The following CFAP221 variants were observed in gnomAD, a reference collection of about 807,000 sequenced individuals.
CFAP221 encodes cilia and flagella associated protein 221, also known as cilia- and flagella-associated protein 221.
Under a neutral mutation model 113.1 loss-of-function variants are expected in CFAP221, and 97 were observed. The ratio of observed to expected loss-of-function variants is 0.86; its 90% CI spans 0.73 to 1.02. The LOEUF is 1.02. Ranked by LOEUF, CFAP221 falls within the 50% of genes least tolerant of loss-of-function variation. The pLI is 0.00. For missense variants in CFAP221, 1,025 were observed against 1,013.4 expected, an observed-to-expected ratio of 1.01 and a Z score of -0.16; for synonymous variants, 331 against 354.4, an observed-to-expected ratio of 0.93 and a Z score of 0.74.
rs1464706078 is a variant in CFAP221, at chr2:119,613,721, T to A, written c.1312-1890T>A. 2.0e-5 allele frequency among the ~76,000 whole-genome samples: 3 copies of A among 152,248 alleles called. No individual in the cohort carries two copies. The East Asian group carries it at 5.8e-4, about 29-fold the overall frequency. On this transcript the variant is annotated intron_variant, in intron 13 of 23. Transcript: ENST00000413369. ...AGACCTGTGATGGGAGGGGCTGCCA[T>A]GAAGACCTCTGACATGTCCTGGAGA...
chr2:119,611,439 AAG>A (rs1553486673), intron 12 of CFAP221, among the ~76,000 whole-genome samples: 1 of 151,204 alleles, frequency 6.6e-6, no homozygotes, highest in Non-Finnish European at 1.5e-5. Flanking sequence ...AAAAAAAAAA[AAG>A]GAGGTATCGA....
intron 19 of CFAP221, among the ~76,000 whole-genome samples, chr2:119,636,979 T>C (rs904072826): frequency 3.3e-5 from 5 of 151,826 alleles, no homozygotes; most frequent in African/African-American, 1.2e-4. Context: ...TCAACCAGAG[T>C]AGAAGACACT....
At chr2:119,631,958 T>A (rs1686801677) in intron 19 of CFAP221, among the ~76,000 whole-genome samples, 5 of 152,284 alleles carry the variant, frequency 3.3e-5, no homozygotes, top group Non-Finnish European at 7.4e-5. Context: ...AAATCTTATT[T>A]AAGAGGAGAT....
At chr2:119,585,582 C>T (rs574304469) in intron 6 of CFAP221, among the ~76,000 whole-genome samples, 96 of 152,064 alleles carry the variant, frequency 6.3e-4, no homozygotes, top group African/African-American at 2.1e-3. Context: ...ATAAAGGGGT[C>T]GTTATTTTAT....
chr2:119,551,908 T>A (rs1680459061), intron 3 of CFAP221, among the ~76,000 whole-genome samples: 1 of 152,228 alleles, frequency 6.6e-6, no homozygotes, highest in South Asian at 2.1e-4. Context: ...CTTTTGTCAC[T>A]AGCCCTAGGA....
chr2:119,659,136 A>G (rs1457280492), downstream of CFAP221, among the ~76,000 whole-genome samples: 2 of 152,088 alleles, frequency 1.3e-5, no homozygotes, highest in Admixed American at 1.3e-4. Context: ...AGCTCCCATC[A>G]TCTACGATGT....
intron 12 of CFAP221, among the ~76,000 whole-genome samples, chr2:119,609,086 A>T (rs1254725302): frequency 1.3e-5 from 2 of 152,202 alleles, no homozygotes; most frequent in Non-Finnish European, 2.9e-5. Context: ...GAGTGGGACC[A>T]CACCTGGGGT....
chr2:119,616,032 T>G (rs1685503093), intron 14 of CFAP221, among the ~76,000 whole-genome samples: 1 of 152,246 alleles, frequency 6.6e-6, no homozygotes, highest in Non-Finnish European at 1.5e-5. Flanking sequence ...GGGCATTTCA[T>G]ATAAATGGAA....
In CFAP221 at chr2:119,646,643, A is replaced by G. The variant is rs117170592; in HGVS notation, c.2226-315A>G. 6.4e-4 allele frequency among the ~76,000 whole-genome samples: 97 copies of G among 152,252 alleles called. 4 individuals are homozygous for G. In the East Asian group the frequency reaches 0.018, roughly 29 times the overall value. ...TGAGATTTGGTGGGGACAGGACCAAACCATATCAGTATCTAACTACACTCA... is the reference window on the plus strand; with the variant it reads ...TGAGATTTGGTGGGGACAGGACCAAGCCATATCAGTATCTAACTACACTCA... On this transcript the variant is annotated intron_variant, in intron 21 of 23. Coordinates refer to ENST00000413369, the MANE Select transcript of CFAP221 (RefSeq NM_001271049.2).
intron 6 of CFAP221, among the ~76,000 whole-genome samples, chr2:119,583,316 A>G (rs970869577): frequency 6.6e-6 from 1 of 151,938 alleles, no homozygotes; most frequent in Non-Finnish European, 1.5e-5. Context: ...ATTCAGTATT[A>G]TACTAGAAGT....
intron 14 of CFAP221, among the ~76,000 whole-genome samples, chr2:119,620,097 G>A (rs1338232926): frequency 1.3e-5 from 2 of 152,164 alleles, no homozygotes; most frequent in Non-Finnish European, 2.9e-5. Flanking sequence ...TATATGAAAA[G>A]ACCAAACCTA....
chr2:119,627,624 C>T (rs773214348), intron 15 of CFAP221, 29 bp from the exon 16 acceptor site: 1 of 1,609,580 alleles, frequency 6.2e-7, no homozygotes, highest in South Asian at 1.1e-5. Context: ...TTTAGTACCC[C>T]CTAAAAGTGC....
chr2:119,656,573 TA>T lies in CFAP221; in HGVS notation c.*110del, dbSNP rs781422995. The stretch of plus-strand genomic sequence containing the variant: ...CATCTCTGCAATTAAAGTTTCTGGA[TA>T]AAAAAATGAAATGTAGAGGATGTAT... On this transcript the variant is annotated 3_prime_UTR_variant, in exon 24 of 24. Transcript: ENST00000413369. The T allele has an allele frequency of 4.1e-6, 3 of 727,300 alleles. No homozygotes were observed. Among genetic ancestry groups the T allele is most frequent in the African/African-American group, 3.6e-5 (2 of 55,840 alleles). 45.1% of individuals were successfully genotyped at this position (727,300 alleles called of 1,614,324 possible).
chr2:119,559,875 T>C, intron 4 of CFAP221, 53 bp from the exon 5 acceptor site: 1 of 1,489,062 alleles, frequency 6.7e-7, no homozygotes, highest in Non-Finnish European at 9.1e-7. Flanking sequence ...CCCCCGGTGC[T>C]GCTCTCTGTG....
Position 119,627,650 on chromosome 2 carries a change from T to A in CFAP221, c.1517-3T>A, listed in dbSNP as rs767871707. ...CTAAAAGTGCCCTTTTTTTCACCCA[T>A]AGAGGCGAATTTCTTCAAATTCTTC... On this transcript the variant is annotated splice_polypyrimidine_tract_variant and splice_region_variant and intron_variant, in intron 15 of 23. Transcript: ENST00000413369. 1.3e-5 allele frequency: 21 copies of A among 1,613,162 alleles called. No individual in the cohort carries two copies. The highest frequency in any genetic ancestry group is 1.7e-5 in the Non-Finnish European group (20 of 1,179,650).
At chr2:119,581,703 T>G (rs1682858161) in intron 6 of CFAP221, among the ~76,000 whole-genome samples, 1 of 152,164 alleles carries the variant, frequency 6.6e-6, no homozygotes, top group Admixed American at 6.5e-5. Context: ...GAAGATTTGG[T>G]AAGTGCATTC....
chr2:119,568,921 C>T (rs1192300055), intron 6 of CFAP221, among the ~76,000 whole-genome samples: 28 of 152,072 alleles, frequency 1.8e-4, no homozygotes, highest in Admixed American at 1.7e-3. Flanking sequence ...CATTTTTGTC[C>T]GAGAAAGTTT....
At chr2:119,627,603 A>T in intron 15 of CFAP221, 50 bp from the exon 16 acceptor site, 1 of 1,576,868 alleles carries the variant, frequency 6.3e-7, no homozygotes, top group South Asian at 1.1e-5. Flanking sequence ...GTGATTTCCC[A>T]TAAAAATACC....
intron 7 of CFAP221, among the ~76,000 whole-genome samples, chr2:119,599,979 G>A (rs1684252461): frequency 6.6e-6 from 1 of 152,122 alleles, no homozygotes; most frequent in Non-Finnish European, 1.5e-5. Flanking sequence ...ACAAGATTCA[G>A]GAAGTGAATG....
Sources: allele counts gnomAD v4.1 joint callset (sites outside exome capture counted in the v4.1 genomes callset), GRCh38; gene constraint gnomAD v4.1.1; transcripts MANE v1.5; gene names NCBI Gene and HGNC (gene_info 2026-07-23, HGNC 2026-07-21).